The following GTF3C1 variants were observed in gnomAD, a reference collection of about 807,000 sequenced individuals.
GTF3C1 encodes the protein general transcription factor 3C polypeptide 1.
A neutral mutation model predicts 226.7 loss-of-function variants in GTF3C1; 57 were observed. That is an observed-to-expected ratio of 0.25 (90% confidence interval 0.20 to 0.31). The LOEUF is 0.31. GTF3C1 is among the 10% of genes least tolerant of loss of function. The pLI, the probability that GTF3C1 is intolerant of heterozygous loss-of-function variation, is 1.00. For synonymous variants in GTF3C1, 1,090 were observed against 1,084.8 expected (o/e 1.00, Z -0.09); for missense variants, 2,217 against 2,776.1 (o/e 0.80, Z 4.53).
rs12932325 is a variant in GTF3C1, at chr16:27,462,539, G to A, written c.5925-53C>T. The A allele has an allele frequency of 0.14, 191,539 of 1,411,150 alleles. 14,444 individuals are homozygous for A. The highest frequency in any genetic ancestry group is 0.17 in the Middle Eastern group (958 of 5,570). The allele number at this position is 1,411,150 out of a possible 1,614,324, so 87.4% of individuals were successfully genotyped here. A position where few individuals can be genotyped will look rare whatever the true frequency, so the allele number is the denominator to read the frequency against. On this transcript the variant is annotated intron_variant, in intron 35 of 36. Transcript: ENST00000356183. The surrounding 1 kb of genome is among the most constrained non-coding windows in gnomAD (Gnocchi z 4.5). ...CTTGGTGGGGGCAGGAGGGCAGCTCGTCCAGACAGAACACTGAGGCTCAGG... is the reference window on the plus strand; with the variant it reads ...CTTGGTGGGGGCAGGAGGGCAGCTCATCCAGACAGAACACTGAGGCTCAGG...
intron 16 of GTF3C1, among the ~76,000 whole-genome samples, chr16:27,494,033 A>G (rs1300416959): frequency 6.6e-6 from 1 of 152,192 alleles, no homozygotes; most frequent in Non-Finnish European, 1.5e-5. Flanking sequence ...ATTACTTAGT[A>G]GTAATTATCT....
At chr16:27,477,987 C>T (rs12445494) in intron 28 of GTF3C1, among the ~76,000 whole-genome samples, 27,049 of 152,024 alleles carry the variant, frequency 0.18, 2,931 homozygotes, top group Admixed American at 0.26. Context: ...CTGGCCAACA[C>T]GGCAAAACCC....
rs1415380760 is a variant in GTF3C1 at position 27,506,918 on chromosome 16, G to C, written c.1481C>G (p.Ser494Cys). 2 of 1,613,908 alleles carry C rather than the reference G, an allele frequency of 1.2e-6. No individual in the cohort carries two copies. The highest frequency in any genetic ancestry group is 1.3e-5 in the African/African-American group (1 of 75,002). The change falls in exon 9 of 37, where the codon TCC becomes TGC. Residue 494 changes from serine (S) to cysteine (C), a missense_variant. Around this residue, in one of 12 missense-constraint regions of GTF3C1, gnomAD observed 173 missense variants for 207.2 expected, o/e 0.83. Coordinates refer to ENST00000356183, the MANE Select transcript of GTF3C1 (RefSeq NM_001520.4). ...RSSSKRRGRG[S>C]QKDTRASANL... is the part of the protein sequence containing the mutation. ...TGCAGAGGCTCTTGTGTCTTTCTGG[G>C]ACCCTCTGCCTCTCCGCTTGCTGCT...
rs975661157 is a variant in GTF3C1, at chr16:27,464,949, G to A, written c.5356-113C>T. 24 of 894,304 alleles carry A rather than the reference G, an allele frequency of 2.7e-5. No homozygotes were observed. In the Middle Eastern group the frequency reaches 1.0e-3, roughly 39 times the overall value. 55.4% of individuals were successfully genotyped at this position (894,304 alleles called of 1,614,324 possible). A position where few individuals can be genotyped will look rare whatever the true frequency, so the allele number is the denominator to read the frequency against. ...ACTGGCGGGTTGAGTGCCCTGAGCAGCCCAGGCCCACGAGGCAGGCCTGGC... is the reference window on the plus strand; with the variant it reads ...ACTGGCGGGTTGAGTGCCCTGAGCAACCCAGGCCCACGAGGCAGGCCTGGC... On this transcript the variant is annotated intron_variant, in intron 33 of 36. Coordinates refer to ENST00000356183, the MANE Select transcript of GTF3C1 (RefSeq NM_001520.4).
intron 9 of GTF3C1, among the ~76,000 whole-genome samples, chr16:27,506,575 G>A (rs2088488249): frequency 6.6e-6 from 1 of 152,162 alleles, no homozygotes; most frequent in African/African-American, 2.4e-5. Flanking sequence ...GGAAGGGAAG[G>A]GGCAGAGGAA....
rs148341365 is a variant in GTF3C1, at chr16:27,465,463, T to C, written c.5152A>G (p.Asn1718Asp). Residue 1718 changes from asparagine (N) to aspartate (D), a missense_variant, in exon 33 of 37, where the codon AAC (asparagine) becomes GAC (aspartate). Asn to Asp is a conservative substitution (Grantham distance 23). This residue lies in a region of GTF3C1 where 455 missense variants were observed against 441.9 expected (regional missense o/e 1.03). Transcript: ENST00000356183. ...TFTKLINPQE[N>D]TCSLEEFVLQ... ...ACAAACTCCTCCAAGCTGCAGGTGT[T>C]TTCCTGGGGGTTTATCAGCTTGGTG... The C allele has an allele frequency of 5.0e-5, 81 of 1,611,528 alleles. No individual in the cohort carries two copies. The African/African-American group carries it at 9.9e-4, about 20-fold the overall frequency.
At position 27,486,164 on chromosome 16, in the gene GTF3C1, C is replaced by T. The variant is rs1378165430; in HGVS notation, c.3701-10G>A. On this transcript the variant is annotated splice_polypyrimidine_tract_variant and intron_variant, in intron 23 of 36. Coordinates refer to ENST00000356183, the MANE Select transcript of GTF3C1 (RefSeq NM_001520.4). ...TCTCCTGGGAACTCTCCTAAAAACA[C>T]CAGAGGGAGAAGGCAGGAGACCTCT... 1 of 1,566,358 alleles carries T rather than the reference C, an allele frequency of 6.4e-7. No homozygotes were observed.
At chr16:27,531,007 C>T (rs2088908199) in intron 5 of GTF3C1, among the ~76,000 whole-genome samples, 1 of 152,174 alleles carries the variant, frequency 6.6e-6, no homozygotes, top group Admixed American at 6.5e-5. Context: ...ACCACAACCT[C>T]GCCACCTTCT....
At chr16:27,478,272 GTACT>G (rs2087983968) in intron 28 of GTF3C1, among the ~76,000 whole-genome samples, 193 bp downstream of exon 28, 1 of 152,184 alleles carries the variant, frequency 6.6e-6, no homozygotes. Flanking sequence ...AAGGTCAACT[GTACT>G]TACCTCTGAG....
chr16:27,506,900 G>A lies in GTF3C1; in HGVS notation c.1499C>T (p.Ala500Val), dbSNP rs146467475. 2.1e-5 allele frequency: 34 copies of A among 1,613,570 alleles called. No homozygotes were observed. In the Admixed American group the frequency reaches 3.5e-4, roughly 17 times the overall value. ...GGTCTTGGGCCGGAGGTTTGCAGAG[G>A]CTCTTGTGTCTTTCTGGGACCCTCT... is the stretch of plus-strand genomic sequence containing the variant. ...RGRGSQKDTR[A>V]SANLRPKTQP... The change falls in exon 9 of 37, where the codon GCC becomes GTC. Residue 500 changes from alanine to valine, a missense_variant. Coordinates refer to ENST00000356183, the MANE Select transcript of GTF3C1 (RefSeq NM_001520.4).
chr16:27,483,936 T>C (rs2141368264), intron 25 of GTF3C1, among the ~76,000 whole-genome samples: 1 of 152,252 alleles, frequency 6.6e-6, no homozygotes, highest in East Asian at 1.9e-4. Flanking sequence ...CGAGTCAGCC[T>C]ATCTAGTCTC....
intron 29 of GTF3C1, among the ~76,000 whole-genome samples, chr16:27,472,925 C>CT (rs906306611): frequency 4.6e-5 from 7 of 151,508 alleles, no homozygotes; most frequent in African/African-American, 7.3e-5. Flanking sequence ...GATTCAACTC[C>CT]TTTTTTTTTG....
chr16:27,461,803 T>C lies in GTF3C1; in HGVS notation c.6118-241A>G, dbSNP rs1567380639. On this transcript the variant is annotated intron_variant, in intron 36 of 36. Coordinates refer to ENST00000356183, the MANE Select transcript of GTF3C1 (RefSeq NM_001520.4). The surrounding 1 kb of genome is among the most constrained non-coding windows in gnomAD (Gnocchi z 5.3). ...CGCTGGCTGGAGCCACCACGCTGAATCTCATTTGTGGAGGAGAGGCCTGCA... is the reference window on the plus strand; with the variant it reads ...CGCTGGCTGGAGCCACCACGCTGAACCTCATTTGTGGAGGAGAGGCCTGCA... 5.6e-6 allele frequency: 3 copies of C among 540,530 alleles called. No homozygotes were observed. The East Asian group carries it at 8.9e-5, about 16-fold the overall frequency. The allele number at this position is 540,530 out of a possible 1,614,324, so 33.5% of individuals were successfully genotyped here.
chr16:27,546,169 C>T (rs781670013), intron 1 of GTF3C1, among the ~76,000 whole-genome samples: 43 of 152,156 alleles, frequency 2.8e-4, no homozygotes, highest in Non-Finnish European at 2.6e-4. Flanking sequence ...CCTTTAAGAT[C>T]TCATCTTTCC....
intron 9 of GTF3C1, among the ~76,000 whole-genome samples, chr16:27,506,473 G>T (rs1455506136): frequency 6.6e-6 from 1 of 152,122 alleles, no homozygotes; most frequent in Non-Finnish European, 1.5e-5. Flanking sequence ...CTGGGTACCA[G>T]ATTTGCAAAT....
At chr16:27,510,813 T>C (rs1596643932) in intron 7 of GTF3C1, among the ~76,000 whole-genome samples, 1 of 152,182 alleles carries the variant, frequency 6.6e-6, no homozygotes. Context: ...GGGTTAGGAA[T>C]GGGAGAGAAT....
chr16:27,507,984 C>T lies in GTF3C1; in HGVS notation c.1242+556G>A, dbSNP rs1483292185. ...CTGACTGTCCCCATGTGGGAGTAGG[C>T]TCCCGGGGTGGCCACATCACCTTCT... On this transcript the variant is annotated intron_variant, in intron 8 of 36. Coordinates refer to ENST00000356183, the MANE Select transcript of GTF3C1 (RefSeq NM_001520.4). The surrounding 1 kb of genome is among the most constrained non-coding windows in gnomAD (Gnocchi z 4.9). Among the ~76,000 whole-genome samples the T allele has an allele frequency of 6.6e-6, 1 of 152,238 alleles. No homozygotes were observed. The highest frequency in any genetic ancestry group is 1.5e-5 in the Non-Finnish European group (1 of 68,046).
intron 15 of GTF3C1, 45 bp downstream of exon 15, chr16:27,495,166 C>T (rs763153070): frequency 6.8e-7 from 1 of 1,462,842 alleles, no homozygotes; most frequent in South Asian, 1.2e-5. Flanking sequence ...GATCCTACTA[C>T]TGGGCCTGCC....
intron 12 of GTF3C1, among the ~76,000 whole-genome samples, chr16:27,499,772 G>A (rs893434798): frequency 2.6e-5 from 4 of 152,112 alleles, no homozygotes; most frequent in East Asian, 1.9e-4. Flanking sequence ...CCCACTTTCC[G>A]GGCAAGACAC....
Sources: allele counts gnomAD v4.1 joint callset (sites outside exome capture counted in the v4.1 genomes callset), GRCh38; gene constraint gnomAD v4.1.1; regional missense constraint gnomAD v4.1.1; non-coding constraint Gnocchi (gnomAD v3.1); transcripts MANE v1.5; gene names NCBI Gene and HGNC (gene_info 2026-07-23, HGNC 2026-07-21).